KCNMA1: variants seen among roughly 807,000 people sequenced by gnomAD.
KCNMA1 encodes Calcium-activated potassium channel subunit alpha-1.
Under a neutral mutation model 140.0 loss-of-function variants are expected in KCNMA1, and 29 were observed. The ratio of observed to expected loss-of-function variants is 0.21; its 90% CI spans 0.15 to 0.28. The LOEUF (loss-of-function observed/expected upper bound fraction) is 0.28. Among genes scored for constraint, KCNMA1 ranks in the 10% least tolerant of loss-of-function variants. The pLI, the probability that KCNMA1 is intolerant of heterozygous loss-of-function variation, is 1.00. For missense variants in KCNMA1, 880 were observed against 1,602.2 expected (o/e 0.55, Z 7.70); for synonymous variants, 612 against 611.9 (o/e 1.00, Z 0.00).
intron 9 of KCNMA1, among the ~76,000 whole-genome samples, chr10:77,107,167 C>G (rs1200636828): frequency 6.6e-6 from 1 of 152,124 alleles, no homozygotes; most frequent in African/African-American, 2.4e-5. Flanking sequence ...GAGGGAAATA[C>G]AATGCTCCCA....
chr10:76,921,227 C>T (rs201949763), intron 23 of KCNMA1, among the ~76,000 whole-genome samples: 1 of 151,876 alleles, frequency 6.6e-6, no homozygotes, highest in Non-Finnish European at 1.5e-5. Flanking sequence ...TAAATTAGGC[C>T]GAGTCATCTA....
At chr10:77,271,116 C>T (rs1035751460) in intron 2 of KCNMA1, among the ~76,000 whole-genome samples, 1 of 152,152 alleles carries the variant, frequency 6.6e-6, no homozygotes, top group African/African-American at 2.4e-5. Context: ...CCTACCAAAA[C>T]AACAAAGTAT....
At chr10:76,956,812 G>A (rs1279542651) in intron 20 of KCNMA1, among the ~76,000 whole-genome samples, 1 of 152,132 alleles carries the variant, frequency 6.6e-6, no homozygotes, top group Admixed American at 6.5e-5. Flanking sequence ...GTAGCATTAA[G>A]GAAGGTTTTG....
At chr10:77,215,378 T>C (rs2047386935) in intron 3 of KCNMA1, among the ~76,000 whole-genome samples, 1 of 150,334 alleles carries the variant, frequency 6.7e-6, no homozygotes, top group Non-Finnish European at 1.5e-5. Flanking sequence ...TGTTTTGTTT[T>C]GTTTTGTTTT....
At chr10:77,265,272 A>G (rs1290088285) in intron 2 of KCNMA1, among the ~76,000 whole-genome samples, 3 of 152,058 alleles carry the variant, frequency 2.0e-5, no homozygotes, top group Non-Finnish European at 4.4e-5. Flanking sequence ...AGCTGGTCTC[A>G]AACTCCTGAC....
intron 1 of KCNMA1, among the ~76,000 whole-genome samples, chr10:77,489,043 A>G (rs1482682656): frequency 6.6e-6 from 1 of 152,114 alleles, no homozygotes; most frequent in Non-Finnish European, 1.5e-5. Context: ...CCCTCTAGGC[A>G]GAGGGGGTCA....
At chr10:76,941,592 A>G (rs1284719451) in intron 23 of KCNMA1, among the ~76,000 whole-genome samples, 1 of 152,222 alleles carries the variant, frequency 6.6e-6, no homozygotes, top group African/African-American at 2.4e-5. Flanking sequence ...ACAATGGGAC[A>G]TAAAGTCTTG....
At chr10:76,917,042 T>C (rs893755457) in intron 23 of KCNMA1, among the ~76,000 whole-genome samples, 3 of 152,224 alleles carry the variant, frequency 2.0e-5, no homozygotes, top group African/African-American at 7.2e-5. Flanking sequence ...TTCGAATATA[T>C]GTTTTTCAGC....
At chr10:77,008,526 AC>A (rs1565511134) in intron 18 of KCNMA1, among the ~76,000 whole-genome samples, 1 of 152,256 alleles carries the variant, frequency 6.6e-6, no homozygotes, top group Non-Finnish European at 1.5e-5. Flanking sequence ...CAAACGTTAA[AC>A]TATACTATCA....
At chr10:77,033,861 C>T (rs934497889) in intron 15 of KCNMA1, among the ~76,000 whole-genome samples, 15 of 152,186 alleles carry the variant, frequency 9.9e-5, no homozygotes, top group African/African-American at 3.4e-4. Flanking sequence ...ATTCACATCT[C>T]TATTCATATA....
At chr10:77,149,939 GGA>G (rs1342363345) in intron 5 of KCNMA1, 1 of 152,154 alleles carries the variant, frequency 6.6e-6, no homozygotes, top group African/African-American at 2.4e-5. Flanking sequence ...TGATGAAGAT[GGA>G]TCACACTTGA....
At chr10:77,025,343 T>C in intron 16 of KCNMA1, 2 of 814,934 alleles carry the variant, frequency 2.5e-6, no homozygotes. Context: ...TATACATATA[T>C]ATAATCTCTC....
chr10:77,184,376 C>T (rs1449129608), intron 4 of KCNMA1, among the ~76,000 whole-genome samples: 1 of 152,100 alleles, frequency 6.6e-6, no homozygotes, highest in African/African-American at 2.4e-5. Flanking sequence ...CCCGCCGCCA[C>T]GCCTGGCTAA....
chr10:77,010,757 A>C (rs1433631301), intron 18 of KCNMA1, among the ~76,000 whole-genome samples: 1 of 151,868 alleles, frequency 6.6e-6, no homozygotes, highest in East Asian at 2.0e-4. Context: ...TACAATGAAA[A>C]AGGTCCTTCC....
At chr10:77,418,839 G>A (rs2096801592) in intron 1 of KCNMA1, among the ~76,000 whole-genome samples, 1 of 152,144 alleles carries the variant, frequency 6.6e-6, no homozygotes, top group Admixed American at 6.6e-5. Context: ...AATCTCAAAA[G>A]GCACACACCT....
intron 2 of KCNMA1, among the ~76,000 whole-genome samples, chr10:77,377,499 G>A (rs2095200676): frequency 6.6e-6 from 1 of 152,174 alleles, no homozygotes. Flanking sequence ...CTGGGGTGTG[G>A]TGGAAATGAC....
chr10:76,986,560 T>C (rs550725278), intron 19 of KCNMA1, among the ~76,000 whole-genome samples: 3 of 152,274 alleles, frequency 2.0e-5, no homozygotes, highest in South Asian at 4.1e-4. Context: ...TGAAGGGGAA[T>C]CTGGTGGGGT....
At chr10:77,272,559 G>C (rs1460220126) in intron 2 of KCNMA1, among the ~76,000 whole-genome samples, 2 of 151,898 alleles carry the variant, frequency 1.3e-5, no homozygotes, top group Non-Finnish European at 2.9e-5. Flanking sequence ...GAAGAATAAA[G>C]CACAAATCTT....
rs561804553 is a variant in KCNMA1 at position 77,312,789 on chromosome 10, C to T, written c.541-61533G>A. ...GCTGAGGGCCAGGTTAGTCACTGAG[C>T]CCTCCACATGAGCCTGGTGGGGGTG... On this transcript the variant is annotated intron_variant, in intron 2 of 27. Coordinates refer to ENST00000286628, the MANE Select transcript of KCNMA1 (RefSeq NM_001161352.2). Among the ~76,000 whole-genome samples the T allele has an allele frequency of 5.3e-5, 8 of 152,228 alleles. No homozygotes were observed. The East Asian group carries it at 1.5e-3, about 29-fold the overall frequency.
Sources: allele counts gnomAD v4.1 joint callset (sites outside exome capture counted in the v4.1 genomes callset), GRCh38; gene constraint gnomAD v4.1.1; transcripts MANE v1.5; gene names NCBI Gene and HGNC (gene_info 2026-07-23, HGNC 2026-07-21).